ZNF821: variants seen among roughly 807,000 people sequenced by gnomAD.
The protein encoded by ZNF821 is zinc finger protein 821.
In ZNF821, 16 loss-of-function variants were observed where a neutral mutation model predicts 44.3. That is an observed-to-expected ratio of 0.36 (90% CI 0.24 to 0.55). The LOEUF is 0.55. Ranked by LOEUF, ZNF821 falls within the 20% of genes least tolerant of loss-of-function variation. The pLI, the probability that ZNF821 is intolerant of heterozygous loss-of-function variation, is 0.86. For synonymous variants in ZNF821, 204 were observed against 197.6 expected (o/e 1.03, Z -0.27); for missense variants, 436 against 547.6 (o/e 0.80, Z 2.03).
upstream of ZNF821, among the ~76,000 whole-genome samples, chr16:71,888,058 G>A (rs534267009): frequency 6.6e-6 from 1 of 151,710 alleles, no homozygotes; most frequent in South Asian, 2.1e-4. Flanking sequence ...TGTATTTTTT[G>A]TAGAGACGGG....
Position 71,873,956 on chromosome 16 carries a change from AT to A in ZNF821, c.41-5920del, listed in dbSNP as rs138380961. ...GTGTGAGCGACCACGCCCGGCTGGAATTTTTTTTTTTTTTTTTTTGAGATGG... is the reference window on the plus strand; with the variant it reads ...GTGTGAGCGACCACGCCCGGCTGGAATTTTTTTTTTTTTTTTTTGAGATGG... On this transcript the variant is annotated intron_variant, in intron 3 of 7. Transcript: ENST00000425432. 8.1e-3 allele frequency among the ~76,000 whole-genome samples: 1,001 copies of A among 123,238 alleles called. 10 individuals carry two copies. The highest frequency in any genetic ancestry group is 0.024 in the African/African-American group (771 of 31,852). The allele number at this position is 123,238 out of a possible 152,430, so 80.8% of individuals were successfully genotyped here.
intron 7 of ZNF821, among the ~76,000 whole-genome samples, chr16:71,861,287 G>T (rs1300812290): frequency 3.3e-5 from 5 of 152,228 alleles, no homozygotes; most frequent in Non-Finnish European, 7.3e-5. Context: ...CTTTGCAGGG[G>T]CAGTCCTGCT....
At chr16:71,891,781 G>C (rs1226251502) in intron 1 of ZNF821, among the ~76,000 whole-genome samples, 1 of 151,998 alleles carries the variant, frequency 6.6e-6, no homozygotes, top group Non-Finnish European at 1.5e-5. Context: ...AGGCTGAGGC[G>C]GGCGGATCAT....
chr16:71,892,055 C>T (rs1016362406), intron 1 of ZNF821, among the ~76,000 whole-genome samples: 1 of 143,566 alleles, frequency 7.0e-6, no homozygotes, highest in Non-Finnish European at 1.5e-5. Flanking sequence ...CCTGTAATCC[C>T]AGCTACTTGG....
At chr16:71,868,897 C>T (rs1353306078) in intron 3 of ZNF821, among the ~76,000 whole-genome samples, 3 of 152,124 alleles carry the variant, frequency 2.0e-5, no homozygotes, top group Non-Finnish European at 4.4e-5. Flanking sequence ...CTCCTGACCT[C>T]ATGATCCGCC....
At chr16:71,889,269 T>C (rs1351479645), upstream of ZNF821, among the ~76,000 whole-genome samples, 1 of 152,208 alleles carries the variant, frequency 6.6e-6, no homozygotes, top group East Asian at 1.9e-4. Flanking sequence ...AAAGAAAATA[T>C]ATGATGTTCA....
At chr16:71,883,885 G>A (rs1597215786) in intron 1 of ZNF821, 23 bp downstream of exon 1, 1 of 152,524 alleles carries the variant, frequency 6.6e-6, no homozygotes, top group Non-Finnish European at 1.5e-5. Context: ...CGGACCCGGA[G>A]GGAGGGCAGG....
intron 3 of ZNF821, among the ~76,000 whole-genome samples, chr16:71,869,701 G>C (rs868299102): frequency 3.3e-5 from 5 of 152,002 alleles, no homozygotes; most frequent in Admixed American, 6.6e-5. Context: ...GCAGTGGTGT[G>C]ATCATGGCTT....
chr16:71,888,208 A>T (rs754337578), upstream of ZNF821, among the ~76,000 whole-genome samples: 1 of 152,170 alleles, frequency 6.6e-6, no homozygotes, highest in African/African-American at 2.4e-5. Flanking sequence ...TGGTATCCCA[A>T]ATAAAAATAA....
upstream of ZNF821, among the ~76,000 whole-genome samples, chr16:71,887,878 T>C (rs569128074): frequency 6.8e-6 from 1 of 146,176 alleles, no homozygotes; most frequent in East Asian, 2.0e-4. Flanking sequence ...TTTTTTGGAA[T>C]CAGGGTCTCA....
intron 1 of ZNF821, among the ~76,000 whole-genome samples, chr16:71,891,739 G>T (rs1288514146): frequency 6.6e-6 from 1 of 152,146 alleles, no homozygotes; most frequent in Non-Finnish European, 1.5e-5. Flanking sequence ...GCCAAGCGTG[G>T]TGTCCCACGC....
intron 1 of ZNF821, among the ~76,000 whole-genome samples, chr16:71,891,698 A>C (rs1466459788): frequency 2.0e-5 from 3 of 152,114 alleles, no homozygotes; most frequent in Admixed American, 6.5e-5. Flanking sequence ...ACATGGTGAA[A>C]CCTCATCACT....
In ZNF821 at chr16:71,873,131, G is replaced by A. The variant is rs1597168015; in HGVS notation, c.41-5094C>T. Among the ~76,000 whole-genome samples the A allele has an allele frequency of 2.0e-5, 3 of 152,166 alleles. No homozygotes were observed. The South Asian group carries it at 6.2e-4, about 32-fold the overall frequency. On this transcript the variant is annotated intron_variant, in intron 3 of 7. Transcript: ENST00000425432. ...GAGATCAGGAGTTTGAGACCACCCTGGCCAACATGGCATAACCCTGTCTCT... is the reference window on the plus strand; with the variant it reads ...GAGATCAGGAGTTTGAGACCACCCTAGCCAACATGGCATAACCCTGTCTCT...
chr16:71,888,077 A>G (rs1442314368), upstream of ZNF821, among the ~76,000 whole-genome samples: 2 of 151,950 alleles, frequency 1.3e-5, no homozygotes, highest in Non-Finnish European at 1.5e-5. Flanking sequence ...GGGTCTCACC[A>G]TGTTGCTCAG....
At chr16:71,877,354 A>G (rs2035933367) in intron 3 of ZNF821, among the ~76,000 whole-genome samples, 1 of 152,000 alleles carries the variant, frequency 6.6e-6, no homozygotes, top group Non-Finnish European at 1.5e-5. Context: ...TCAACTTCCC[A>G]GGCTCCAGCC....
At chr16:71,891,932 G>T (rs1357364178) in intron 1 of ZNF821, among the ~76,000 whole-genome samples, 4 of 145,308 alleles carry the variant, frequency 2.8e-5, no homozygotes, top group Admixed American at 7.3e-5. Flanking sequence ...GGAGGCGGAG[G>T]TTGGAGTGAG....
At position 71,883,918 on chromosome 16, in the gene ZNF821, G is replaced by C. The variant is rs1322988734; in HGVS notation, c.-151C>G. On this transcript the variant is annotated 5_prime_UTR_variant, in exon 1 of 8. Coordinates refer to ENST00000425432, the MANE Select transcript of ZNF821 (RefSeq NM_001201552.2). ...AGGGGGTCTTTTTACCCGGCGCCTC[G>C]GCGCTGCGCTGCGCTCTGGGTCCCT... 2 of 152,230 alleles carry C rather than the reference G, an allele frequency of 1.3e-5. No individual in the cohort carries two copies. Among genetic ancestry groups the C allele is most frequent in the Non-Finnish European group, 2.9e-5 (2 of 68,106 alleles). 9.4% of individuals were successfully genotyped at this position (152,230 alleles called of 1,614,324 possible).
At chr16:71,888,384 C>G (rs1470873080), upstream of ZNF821, among the ~76,000 whole-genome samples, 1 of 151,838 alleles carries the variant, frequency 6.6e-6, no homozygotes, top group Non-Finnish European at 1.5e-5. Flanking sequence ...TATGTTTTCT[C>G]TTAGGAGTTT....
intron 1 of ZNF821, 47 bp from the exon 2 acceptor site, chr16:71,883,320 C>T: frequency 2.4e-6 from 1 of 415,464 alleles, no homozygotes; most frequent in Admixed American, 2.6e-5. Context: ...AGCCGCCTGG[C>T]TGTTCACCTG....
Sources: allele counts gnomAD v4.1 joint callset (sites outside exome capture counted in the v4.1 genomes callset), GRCh38; gene constraint gnomAD v4.1.1; transcripts MANE v1.5; gene names NCBI Gene and HGNC (gene_info 2026-07-23, HGNC 2026-07-21).